Variants in SGCZ observed in about 807,000 individuals in gnomAD.
SGCZ encodes the protein sarcoglycan zeta, also known as zeta-sarcoglycan.
Under a neutral mutation model 41.3 loss-of-function variants are expected in SGCZ, and 40 were observed. The ratio of observed to expected loss-of-function variants is 0.97; its 90% CI spans 0.75 to 1.26. The LOEUF (loss-of-function observed/expected upper bound fraction) is 1.26, where lower values mean the gene tolerates loss of function less well. Among genes scored for constraint, SGCZ ranks in the 50% most tolerant of loss-of-function variants. SGCZ has a pLI of 0.00. For missense variants in SGCZ, 552 were observed against 369.8 expected, an observed-to-expected ratio of 1.49 and a Z score of -4.04; for synonymous variants, 206 against 137.5, an observed-to-expected ratio of 1.50 and a Z score of -3.49.
At chr8:14,915,327 T>C (rs932280895) in intron 1 of SGCZ, among the ~76,000 whole-genome samples, 1 of 152,166 alleles carries the variant, frequency 6.6e-6, no homozygotes, top group Non-Finnish European at 1.5e-5. Context: ...CATATTGATA[T>C]AGGAGTTAAG....
intron 1 of SGCZ, among the ~76,000 whole-genome samples, chr8:15,026,800 C>G (rs1373623643): frequency 6.6e-6 from 1 of 152,122 alleles, no homozygotes; most frequent in Non-Finnish European, 1.5e-5. Context: ...GAAGCTCTAG[C>G]TTTTAAAGAA....
At chr8:14,476,463 T>C (rs1361182724) in intron 2 of SGCZ, among the ~76,000 whole-genome samples, 2 of 151,984 alleles carry the variant, frequency 1.3e-5, no homozygotes, top group African/African-American at 4.8e-5. Flanking sequence ...TATGTATGCA[T>C]GTATATAATT....
chr8:15,024,154 T>C (rs1302255122), intron 1 of SGCZ, among the ~76,000 whole-genome samples: 5 of 152,170 alleles, frequency 3.3e-5, no homozygotes, highest in Admixed American at 3.3e-4. Context: ...TTGGAGACAA[T>C]GATTTCAACT....
chr8:15,162,281 A>C (rs1157383729), intron 1 of SGCZ, among the ~76,000 whole-genome samples: 1 of 152,230 alleles, frequency 6.6e-6, no homozygotes, highest in Non-Finnish European at 1.5e-5. Flanking sequence ...AGAAATAAAT[A>C]ACGAGGAATT....
At chr8:14,464,942 C>A (rs745758427) in intron 2 of SGCZ, among the ~76,000 whole-genome samples, 4 of 151,566 alleles carry the variant, frequency 2.6e-5, no homozygotes, top group Non-Finnish European at 4.4e-5. Context: ...TTGGATAACA[C>A]ACTTTTTATG....
At chr8:14,318,801 C>T (rs113074041) in intron 3 of SGCZ, among the ~76,000 whole-genome samples, 35 of 151,914 alleles carry the variant, frequency 2.3e-4, no homozygotes, top group African/African-American at 7.5e-4. Context: ...CAGGAATAAT[C>T]AAACTAAGTA....
intron 1 of SGCZ, among the ~76,000 whole-genome samples, chr8:14,946,926 G>T (rs1963534): frequency 0.23 from 34,688 of 151,752 alleles, 3,989 homozygotes; most frequent in East Asian, 0.31. Flanking sequence ...CGCCCGCCTC[G>T]GCCTCCCAAC....
chr8:14,577,867 G>C (rs1412580293), intron 1 of SGCZ, among the ~76,000 whole-genome samples: 3 of 152,072 alleles, frequency 2.0e-5, no homozygotes, highest in South Asian at 2.1e-4. Flanking sequence ...TATTTTCAAG[G>C]CTGGACCATG....
At chr8:14,539,741 A>G (rs111492754) in intron 2 of SGCZ, among the ~76,000 whole-genome samples, 7 of 122,764 alleles carry the variant, frequency 5.7e-5, no homozygotes, top group African/African-American at 2.4e-4. Context: ...GTTCCCCTCT[A>G]TGTGTCCATG....
intron 1 of SGCZ, among the ~76,000 whole-genome samples, chr8:15,112,833 G>A (rs984568455): frequency 6.6e-6 from 1 of 152,330 alleles, no homozygotes; most frequent in South Asian, 2.1e-4. Flanking sequence ...GGAATGAGCT[G>A]TCTCTGGCAA....
Position 14,821,778 on chromosome 8 carries a change from A to G in SGCZ, c.40-266852T>C, listed in dbSNP as rs556249520. On this transcript the variant is annotated intron_variant, in intron 1 of 7. Transcript: ENST00000382080. ...CAAAATTCAGCATCCCTTCATGAAA[A>G]AAAATTATCAACAAATTAGGTATAA... is the stretch of plus-strand genomic sequence containing the variant. 1.1e-4 allele frequency among the ~76,000 whole-genome samples: 17 copies of G among 152,226 alleles called. No individual in the cohort carries two copies. In the East Asian group the frequency reaches 3.3e-3, roughly 29 times the overall value.
chr8:14,810,563 C>G (rs1801708426), intron 1 of SGCZ, among the ~76,000 whole-genome samples: 1 of 151,908 alleles, frequency 6.6e-6, no homozygotes, highest in Non-Finnish European at 1.5e-5. Context: ...TATTTATTAT[C>G]AAACAAAAAT....
intron 1 of SGCZ, among the ~76,000 whole-genome samples, chr8:14,625,740 C>A (rs758384412): frequency 2.6e-5 from 4 of 152,058 alleles, no homozygotes; most frequent in Non-Finnish European, 5.9e-5. Flanking sequence ...TAGAAGTGAA[C>A]AGTGTAAGAA....
intron 1 of SGCZ, among the ~76,000 whole-genome samples, chr8:15,066,248 C>T (rs999235182): frequency 1.3e-5 from 2 of 150,430 alleles, no homozygotes; most frequent in Admixed American, 6.6e-5. Context: ...GCGGAGCTTG[C>T]CGTGAGCCGA....
At chr8:14,460,763 C>T (rs558290454) in intron 2 of SGCZ, among the ~76,000 whole-genome samples, 1 of 152,128 alleles carries the variant, frequency 6.6e-6, no homozygotes. Flanking sequence ...AGATGCCTAA[C>T]TTTAGAGCTA....
intron 1 of SGCZ, among the ~76,000 whole-genome samples, chr8:14,604,455 A>G (rs965270042): frequency 2.6e-5 from 4 of 152,108 alleles, no homozygotes; most frequent in Non-Finnish European, 4.4e-5. Context: ...AGCTTGAAAT[A>G]TGTATTCATT....
intron 2 of SGCZ, among the ~76,000 whole-genome samples, chr8:14,510,744 A>G (rs1250498162): frequency 6.6e-6 from 1 of 152,158 alleles, no homozygotes; most frequent in Non-Finnish European, 1.5e-5. Flanking sequence ...GCCTCAGAAC[A>G]TTTACTTTAG....
rs550797938 is a variant in SGCZ at position 15,016,874 on chromosome 8, G to T, written c.39+220711C>A. Among the ~76,000 whole-genome samples the T allele has an allele frequency of 1.9e-3, 292 of 152,060 alleles. 1 individual carries two copies. The highest frequency in any genetic ancestry group is 6.8e-3 in the African/African-American group (284 of 41,526). ...TGAACAGCCATGTCATTTGGCAAGA[G>T]AGAGAGAGAGAGAAATGATGTGCCA... On this transcript the variant is annotated intron_variant, in intron 1 of 7. Coordinates refer to ENST00000382080, the MANE Select transcript of SGCZ (RefSeq NM_139167.4).
intron 5 of SGCZ, among the ~76,000 whole-genome samples, chr8:14,135,424 T>C (rs1239347206): frequency 1.3e-5 from 2 of 152,202 alleles, no homozygotes; most frequent in Non-Finnish European, 2.9e-5. Flanking sequence ...TGGAGAGTTA[T>C]GTGGCTTTGA....
Sources: gnomAD v4.1 joint callset for allele counts (sites outside exome capture counted in the v4.1 genomes callset) on GRCh38, gnomAD v4.1.1 for gene constraint, MANE v1.5 for transcripts, NCBI Gene and HGNC (gene_info 2026-07-23, HGNC 2026-07-21) for gene names.